SPMIP7: variants seen among roughly 807,000 people sequenced by gnomAD.
SPMIP7 encodes protein SPMIP7.
the SPMIP7 span, among the ~76,000 whole-genome samples, chr7:50,119,762 T>C: frequency 6.6e-6 from 1 of 152,228 alleles, no homozygotes; most frequent in Non-Finnish European, 1.5e-5. Flanking sequence ...AAAAGGTATG[T>C]TGTGCTTCCG....
the SPMIP7 span, among the ~76,000 whole-genome samples, chr7:50,112,328 C>T: frequency 6.6e-6 from 1 of 151,998 alleles, no homozygotes; most frequent in Non-Finnish European, 1.5e-5. Context: ...ATGTGTTAAA[C>T]CATGGTTTCT....
At chr7:50,158,026 T>C in the SPMIP7 span, among the ~76,000 whole-genome samples, 3 of 152,230 alleles carry the variant, frequency 2.0e-5, no homozygotes, top group Non-Finnish European at 4.4e-5. Flanking sequence ...TTAAATACAC[T>C]GGCAGAGCCA....
chr7:50,117,856 C>T, the SPMIP7 span, among the ~76,000 whole-genome samples: 5 of 152,064 alleles, frequency 3.3e-5, no homozygotes, highest in East Asian at 1.9e-4. Flanking sequence ...TGGAGTAGTC[C>T]GTGATTTTGG....
chr7:50,158,155 A>G, the SPMIP7 span, among the ~76,000 whole-genome samples: 1 of 144,366 alleles, frequency 6.9e-6, no homozygotes, highest in African/African-American at 2.6e-5. Context: ...GGTGAGGCCC[A>G]GGACCCCCAC....
the SPMIP7 span, among the ~76,000 whole-genome samples, chr7:50,138,059 A>C: frequency 2.6e-5 from 4 of 152,204 alleles, no homozygotes; most frequent in African/African-American, 9.6e-5. Context: ...GATTTTAATG[A>C]GTGTTTCTCT....
the SPMIP7 span, chr7:50,141,211 T>C: frequency 9.7e-7 from 1 of 1,026,214 alleles, no homozygotes; most frequent in African/African-American, 1.6e-5. Flanking sequence ...GAAGTTAGAA[T>C]ACTGTTCAAT....
At chr7:50,130,522 T>C in the SPMIP7 span, among the ~76,000 whole-genome samples, 2 of 152,056 alleles carry the variant, frequency 1.3e-5, no homozygotes, top group African/African-American at 4.8e-5. Context: ...CAATTCAAGG[T>C]CAGATTTGGG....
the SPMIP7 span, among the ~76,000 whole-genome samples, chr7:50,149,015 C>T: frequency 6.6e-6 from 1 of 152,104 alleles, no homozygotes; most frequent in Non-Finnish European, 1.5e-5. Context: ...CATGGTGGTG[C>T]ACACCTGTAA....
chr7:50,152,512 A>G, the SPMIP7 span, among the ~76,000 whole-genome samples: 1 of 152,248 alleles, frequency 6.6e-6, no homozygotes, highest in East Asian at 1.9e-4. Context: ...AAATGCAAAC[A>G]CAGTCTGAAC....
the SPMIP7 span, among the ~76,000 whole-genome samples, chr7:50,103,229 T>A: frequency 1.3e-5 from 2 of 151,942 alleles, no homozygotes; most frequent in Non-Finnish European, 1.5e-5. Context: ...AATTTTAACT[T>A]TTAATTTTAC....
chr7:50,105,469 CT>C, the SPMIP7 span, among the ~76,000 whole-genome samples: 1 of 152,114 alleles, frequency 6.6e-6, no homozygotes, highest in Non-Finnish European at 1.5e-5. Context: ...ATGTTGATTT[CT>C]TTTTTTCTCA....
chr7:50,122,465 A>G, the SPMIP7 span, among the ~76,000 whole-genome samples: 9 of 151,124 alleles, frequency 6.0e-5, no homozygotes, highest in African/African-American at 1.9e-4. Flanking sequence ...TAAAAACCCT[A>G]GAAGAAAACC....
At chr7:50,112,522 TA>T in the SPMIP7 span, among the ~76,000 whole-genome samples, 118,410 of 151,956 alleles carry the variant, frequency 0.78, 46,235 homozygotes, top group East Asian at 0.88. Context: ...AAAAGAAAAA[TA>T]AAAAAATGAT....
the SPMIP7 span, among the ~76,000 whole-genome samples, chr7:50,157,210 C>T: frequency 2.0e-5 from 3 of 152,168 alleles, no homozygotes; most frequent in Non-Finnish European, 4.4e-5. Flanking sequence ...TACTCCCACA[C>T]CATATTTGGA....
the SPMIP7 span, among the ~76,000 whole-genome samples, chr7:50,107,832 C>T: frequency 6.6e-6 from 1 of 152,190 alleles, no homozygotes; most frequent in African/African-American, 2.4e-5. Context: ...AGCATTCTGG[C>T]AGTCTCAGCC....
the SPMIP7 span, among the ~76,000 whole-genome samples, chr7:50,139,135 G>C: frequency 6.6e-6 from 1 of 151,960 alleles, no homozygotes; most frequent in African/African-American, 2.4e-5. Flanking sequence ...CAGATCACGA[G>C]GTCAGGAGAT....
At chr7:50,129,132 T>C in the SPMIP7 span, among the ~76,000 whole-genome samples, 134 of 151,970 alleles carry the variant, frequency 8.8e-4, no homozygotes, top group Middle Eastern at 3.4e-3. Flanking sequence ...CTAGAAAAAG[T>C]TTACATTTGT....
chr7:50,135,772 T>C, the SPMIP7 span, among the ~76,000 whole-genome samples: 1 of 152,194 alleles, frequency 6.6e-6, no homozygotes, highest in South Asian at 2.1e-4. Context: ...GAGGGTAGAC[T>C]ACAGTGGATC....
At chr7:50,136,593 A>G in the SPMIP7 span, among the ~76,000 whole-genome samples, 1 of 152,298 alleles carries the variant, frequency 6.6e-6, no homozygotes, top group Admixed American at 6.5e-5. Context: ...TTTGATATAA[A>G]CAATTACAAT....
Sources: allele counts gnomAD v4.1 joint callset (sites outside exome capture counted in the v4.1 genomes callset), GRCh38; gene constraint gnomAD v4.1.1; transcripts MANE v1.5; gene names NCBI Gene and HGNC (gene_info 2026-07-23, HGNC 2026-07-21).